Variants in STK24 observed in about 807,000 individuals in gnomAD.
The protein encoded by STK24 is serine/threonine kinase 24.
Under a neutral mutation model 55.6 loss-of-function variants are expected in STK24, and 21 were observed. The ratio of observed to expected loss-of-function variants is 0.38; its 90% CI spans 0.27 to 0.54. The LOEUF (loss-of-function observed/expected upper bound fraction) is 0.54, where lower values mean the gene tolerates loss of function less well. STK24 is among the 20% of genes least tolerant of loss of function. The pLI, the probability that STK24 is intolerant of heterozygous loss-of-function variation, is 0.79. For missense variants in STK24, 383 were observed against 538.4 expected (o/e 0.71, Z 2.86); for synonymous variants, 200 against 215.2 (o/e 0.93, Z 0.62).
intron 3 of STK24, among the ~76,000 whole-genome samples, chr13:98,479,999 C>G (rs1894524565): frequency 6.6e-6 from 1 of 152,180 alleles, no homozygotes; most frequent in Non-Finnish European, 1.5e-5. Context: ...CCCTTCAACC[C>G]TGAAGGTCTC....
chr13:98,494,383 C>A (rs1895165074), intron 2 of STK24, among the ~76,000 whole-genome samples: 1 of 112,510 alleles, frequency 8.9e-6, no homozygotes, highest in African/African-American at 3.3e-5. Flanking sequence ...CACTGCACTC[C>A]AGCCTGGGTG....
At chr13:98,524,716 A>G (rs1896372646) in intron 1 of STK24, among the ~76,000 whole-genome samples, 1 of 152,216 alleles carries the variant, frequency 6.6e-6, no homozygotes, top group Non-Finnish European at 1.5e-5. Flanking sequence ...ACTGCGGGAG[A>G]AAAGTGTCTA....
At chr13:98,564,047 T>TG (rs960911053) in intron 1 of STK24, among the ~76,000 whole-genome samples, 7 of 151,894 alleles carry the variant, frequency 4.6e-5, no homozygotes, top group African/African-American at 9.7e-5. Context: ...TTAAAATAAA[T>TG]GGGGGGGAGA....
rs370462554 is a variant in STK24, at chr13:98,521,859, C to G, written c.43-2386G>C. The G allele has an allele frequency of 1.7e-3, 1,343 of 813,332 alleles. 13 individuals carry two copies. The highest frequency in any genetic ancestry group is 7.8e-4 in the Non-Finnish European group (348 of 447,818). The allele number at this position is 813,332 out of a possible 1,614,324, so 50.4% of individuals were successfully genotyped here. A position where few individuals can be genotyped will look rare whatever the true frequency, so the allele number is the denominator to read the frequency against. On this transcript the variant is annotated intron_variant, in intron 1 of 10. Coordinates refer to ENST00000539966, the MANE Select transcript of STK24 (RefSeq NM_001032296.4). The stretch of plus-strand genomic sequence containing the variant: ...GCTGGGCTCTGGAGTCCATCCTTCT[C>G]TCCTCCAGGATAAGGCTTCGTCAGT...
rs367937853 is a variant in STK24 at position 98,576,323 on chromosome 13, G to C, written c.42+422C>G. The C allele has an allele frequency of 1.9e-4, 137 of 707,994 alleles. No homozygotes were observed. The African/African-American group carries it at 2.0e-3, about 10-fold the overall frequency. 43.9% of individuals were successfully genotyped at this position (707,994 alleles called of 1,614,324 possible). On this transcript the variant is annotated intron_variant, in intron 1 of 10. Transcript: ENST00000539966. Reference sequence around the variant, plus strand: ...CCCGGGGGTGGGGGACGAGCCTGGGGGACGCGTCCTGGGGCCCTCCGCCAA... The same window carrying C: ...CCCGGGGGTGGGGGACGAGCCTGGGCGACGCGTCCTGGGGCCCTCCGCCAA...
chr13:98,504,559 T>C (rs1373136718), intron 2 of STK24, among the ~76,000 whole-genome samples: 2 of 152,234 alleles, frequency 1.3e-5, no homozygotes, highest in Non-Finnish European at 2.9e-5. Flanking sequence ...CTCTTTCAAC[T>C]TGTCCCCAAA....
intron 1 of STK24, among the ~76,000 whole-genome samples, chr13:98,537,351 G>A (rs374495076): frequency 1.4e-4 from 21 of 152,318 alleles, no homozygotes; most frequent in African/African-American, 4.8e-4. Context: ...CCCTATGGCC[G>A]CTGTGATGTC....
rs1893013901 is a variant in STK24, at chr13:98,448,605, C to T, written c.*4568G>A. The T allele has an allele frequency of 2.7e-6, 1 of 370,318 alleles. No individual in the cohort carries two copies. 22.9% of individuals were successfully genotyped at this position (370,318 alleles called of 1,614,324 possible). On this transcript the variant is annotated 3_prime_UTR_variant, in exon 11 of 11. Transcript: ENST00000539966. ...GTGCCAAATGACATCTTCCCTCCAC[C>T]CTGCCCCTGAAAAACAGTACACACA...
At chr13:98,535,794 G>C (rs148960925) in intron 1 of STK24, among the ~76,000 whole-genome samples, 3 of 152,326 alleles carry the variant, frequency 2.0e-5, no homozygotes, top group Non-Finnish European at 4.4e-5. Flanking sequence ...TGAGCTGCAA[G>C]CTTCACAGGG....
chr13:98,487,762 T>C (rs1894861397), intron 2 of STK24, among the ~76,000 whole-genome samples: 1 of 152,210 alleles, frequency 6.6e-6, no homozygotes. Context: ...TTTTTCGCTC[T>C]GACGGCCCAG....
intron 5 of STK24, 26 bp downstream of exon 5, chr13:98,474,795 C>T (rs376536821): frequency 4.1e-4 from 639 of 1,577,748 alleles, no homozygotes; most frequent in African/African-American, 2.6e-3. Context: ...TCGTGAGGCA[C>T]GGCGCCGCCC....
intron 8 of STK24, among the ~76,000 whole-genome samples, chr13:98,461,350 G>T (rs750278284): frequency 6.6e-6 from 1 of 152,120 alleles, no homozygotes; most frequent in Non-Finnish European, 1.5e-5. Flanking sequence ...AATCAAAATT[G>T]TTTTACATAA....
chr13:98,522,056 C>T, intron 1 of STK24: 2 of 1,390,992 alleles, frequency 1.4e-6, no homozygotes, highest in Non-Finnish European at 1.9e-6. Context: ...TCTGGACCTG[C>T]CCGGTCCTCC....
intron 1 of STK24, among the ~76,000 whole-genome samples, chr13:98,575,553 A>T (rs1433980697): frequency 6.6e-6 from 1 of 152,166 alleles, no homozygotes; most frequent in Non-Finnish European, 1.5e-5. Flanking sequence ...GGTTTCAAAA[A>T]AAGAAGGGAG....
At position 98,500,795 on chromosome 13, in the gene STK24, AC is replaced by A. The variant is rs770827615; in HGVS notation, c.273+18447del. On this transcript the variant is annotated intron_variant, in intron 2 of 10. Coordinates refer to ENST00000539966, the MANE Select transcript of STK24 (RefSeq NM_001032296.4). ...CACAGGCAAGTGCTGGGTAGGCCCA[AC>A]TTAATAAAATACAGTGTAAGTGATG... Among the ~76,000 whole-genome samples the A allele has an allele frequency of 5.9e-5, 9 of 152,156 alleles. No individual in the cohort carries two copies. The East Asian group carries it at 7.7e-4, about 13-fold the overall frequency.
At chr13:98,488,788 C>A (rs1894905341) in intron 2 of STK24, among the ~76,000 whole-genome samples, 1 of 152,142 alleles carries the variant, frequency 6.6e-6, no homozygotes, top group African/African-American at 2.4e-5. Context: ...GCAGAGGTCA[C>A]ACGAACCCAC....
At chr13:98,496,926 A>G (rs542920027) in intron 2 of STK24, among the ~76,000 whole-genome samples, 1 of 152,354 alleles carries the variant, frequency 6.6e-6, no homozygotes, top group Non-Finnish European at 1.5e-5. Flanking sequence ...ACAGACAGTG[A>G]AATGCGCAAG....
chr13:98,498,495 T>C (rs548637603), intron 2 of STK24, among the ~76,000 whole-genome samples: 1 of 152,264 alleles, frequency 6.6e-6, no homozygotes, highest in South Asian at 2.1e-4. Context: ...CCCAGACTCA[T>C]GGGGTGTCTG....
intron 1 of STK24, among the ~76,000 whole-genome samples, chr13:98,546,535 A>C (rs1169304564): frequency 6.6e-6 from 1 of 152,206 alleles, no homozygotes; most frequent in Non-Finnish European, 1.5e-5. Flanking sequence ...CCTGGCCACA[A>C]GTGGCCTCAC....
Sources: gnomAD v4.1 joint callset for allele counts (sites outside exome capture counted in the v4.1 genomes callset) on GRCh38, gnomAD v4.1.1 for gene constraint, MANE v1.5 for transcripts, NCBI Gene and HGNC (gene_info 2026-07-23, HGNC 2026-07-21) for gene names.